ATAD3C: variants seen among roughly 807,000 people sequenced by gnomAD.
ATAD3C encodes ATPase family AAA domain-containing protein 3C.
Under a neutral mutation model 46.3 loss-of-function variants are expected in ATAD3C, and 38 were observed. The observed-to-expected ratio is 0.82, with a 90% CI of 0.63 to 1.08. The LOEUF (loss-of-function observed/expected upper bound fraction) is 1.08. ATAD3C is among the 50% of genes least tolerant of loss of function. The probability of loss-of-function intolerance (pLI) is 0.00; values close to 1 mark genes in which losing one functional copy is unlikely to be tolerated. For synonymous variants in ATAD3C, 220 were observed against 236.4 expected (o/e 0.93, Z 0.63); for missense variants, 563 against 572.7 (o/e 0.98, Z 0.17).
Position 1,469,119 on chromosome 1 carries a change from A to T in ATAD3C, c.*589A>T, listed in dbSNP as rs1434268677. The T allele has an allele frequency of 1.4e-5, 2 of 146,738 alleles. No individual in the cohort carries two copies. The highest frequency in any genetic ancestry group is 5.1e-5 in the African/African-American group (2 of 38,892). 9.1% of individuals were successfully genotyped at this position (146,738 alleles called of 1,614,324 possible). ...TCTCCTAAAAAAAAAAAAAAAAAAA[A>T]AAAAAAAAAAAAAAAAATTAGCCGG... On this transcript the variant is annotated 3_prime_UTR_variant, in exon 12 of 12. Coordinates refer to ENST00000378785, the MANE Select transcript of ATAD3C (RefSeq NM_001039211.3).
At chr1:1,455,414 C>T (rs991974366) in intron 4 of ATAD3C, 46 bp from the exon 5 acceptor site, 12 of 1,604,756 alleles carry the variant, frequency 7.5e-6, no homozygotes, top group East Asian at 6.7e-5. Context: ...GTGGCTGTTC[C>T]GTGGCTGTGG....
intron 9 of ATAD3C, among the ~76,000 whole-genome samples, chr1:1,460,286 T>C (rs1639034060): frequency 6.6e-6 from 1 of 151,920 alleles, no homozygotes; most frequent in South Asian, 2.1e-4. Flanking sequence ...TTCACCATGT[T>C]AGTCAGCTGG....
At position 1,469,428 on chromosome 1, in the gene ATAD3C, G is replaced by T. The variant is rs1193442250; in HGVS notation, c.*898G>T. On this transcript the variant is annotated 3_prime_UTR_variant, in exon 12 of 12. Coordinates refer to ENST00000378785, the MANE Select transcript of ATAD3C (RefSeq NM_001039211.3). ...GATCGCACCATTGCACTCCAGCCTGGATGATAGAGTGAGACTGTACCTCTA... is the reference window on the plus strand; with the variant it reads ...GATCGCACCATTGCACTCCAGCCTGTATGATAGAGTGAGACTGTACCTCTA... The T allele has an allele frequency of 7.1e-6, 1 of 140,530 alleles. No individual in the cohort carries two copies. Among genetic ancestry groups the T allele is most frequent in the African/African-American group, 2.6e-5 (1 of 39,006 alleles). 8.7% of individuals were successfully genotyped at this position (140,530 alleles called of 1,614,324 possible).
intron 8 of ATAD3C, among the ~76,000 whole-genome samples, chr1:1,457,614 A>C (rs1241945481): frequency 2.5e-5 from 3 of 122,314 alleles, no homozygotes; most frequent in African/African-American, 4.1e-5. Context: ...AAAAAAAAAA[A>C]CAAAAAAAAC....
intron 8 of ATAD3C, among the ~76,000 whole-genome samples, chr1:1,458,253 T>A (rs1344549851): frequency 6.6e-6 from 1 of 151,786 alleles, no homozygotes. Flanking sequence ...AATGCTGGGA[T>A]TACATGCGTG....
rs1401379194 is a variant in ATAD3C at position 1,459,811 on chromosome 1, C to T, written c.812+580C>T. On this transcript the variant is annotated intron_variant, in intron 9 of 11. Transcript: ENST00000378785. This position sits in a 1 kb window ranked among gnomAD's most constrained non-coding sequence, Gnocchi z 4.9. The stretch of plus-strand genomic sequence containing the variant: ...GCCCCATGGCCAGTCTCCCTAGTCC[C>T]TCCCAAGTCCCCTAATTTTGAGTTT... 2.0e-5 allele frequency among the ~76,000 whole-genome samples: 3 copies of T among 152,046 alleles called. No homozygotes were observed.
In ATAD3C at chr1:1,450,373, G is replaced by C. The variant is rs1431515207; in HGVS notation, c.-311G>C. On this transcript the variant is annotated 5_prime_UTR_variant, in exon 1 of 12. An upstream open reading frame in the 5' UTR loses its in-frame stop. Transcript: ENST00000378785. Reference sequence around the variant, plus strand: ...GTAACGTGAAAAAATGGACACTTTAGCCATCGCCTGACTTTCTGTTGAATT... The same window carrying C: ...GTAACGTGAAAAAATGGACACTTTACCCATCGCCTGACTTTCTGTTGAATT... 6.3e-6 allele frequency: 2 copies of C among 316,500 alleles called. No individual in the cohort carries two copies. Among genetic ancestry groups the C allele is most frequent in the Non-Finnish European group, 1.2e-5 (2 of 166,974 alleles). 19.6% of individuals were successfully genotyped at this position (316,500 alleles called of 1,614,324 possible).
chr1:1,464,924 C>T (rs1639122930), intron 11 of ATAD3C, among the ~76,000 whole-genome samples: 1 of 151,854 alleles, frequency 6.6e-6, no homozygotes, highest in African/African-American at 2.4e-5. Context: ...CTCGCTCTGT[C>T]GCCCAGGCTG....
At chr1:1,452,222 G>A in intron 2 of ATAD3C, 100 bp downstream of exon 2, 1 of 1,579,588 alleles carries the variant, frequency 6.3e-7, no homozygotes, top group Admixed American at 1.8e-5. Flanking sequence ...TCTGGCCGCT[G>A]TAGGCTGGCT....
intron 1 of ATAD3C, among the ~76,000 whole-genome samples, chr1:1,451,315 C>T (rs367577418): frequency 6.2e-4 from 93 of 150,904 alleles, no homozygotes; most frequent in African/African-American, 2.1e-3. Context: ...GGATTACAGG[C>T]GTGAGCCACC....
chr1:1,459,952 G>A lies in ATAD3C; in HGVS notation c.812+721G>A, dbSNP rs1024459488. Among the ~76,000 whole-genome samples the A allele has an allele frequency of 2.6e-5, 4 of 152,056 alleles. No individual in the cohort carries two copies. Among genetic ancestry groups the A allele is most frequent in the South Asian group, 2.1e-4 (1 of 4,818 alleles). Reference sequence around the variant, plus strand: ...TTGGGCTCCTGGGTCAGCTGCTGCCGGTAGACGCTCCCTGGAGCCCTGACT... The same window carrying A: ...TTGGGCTCCTGGGTCAGCTGCTGCCAGTAGACGCTCCCTGGAGCCCTGACT... On this transcript the variant is annotated intron_variant, in intron 9 of 11. Transcript: ENST00000378785. This position sits in a 1 kb window ranked among gnomAD's most constrained non-coding sequence, Gnocchi z 4.9.
rs372419941 is a variant in ATAD3C, at chr1:1,455,549, C to T, written c.438+30C>T. Reference sequence around the variant, plus strand: ...GTCGGTGTGCCTGGGACCGGGGAGGCGCAGGGAGGGGACCCCGGAGCTGGG... The same window carrying T: ...GTCGGTGTGCCTGGGACCGGGGAGGTGCAGGGAGGGGACCCCGGAGCTGGG... On this transcript the variant is annotated intron_variant, in intron 5 of 11. Coordinates refer to ENST00000378785, the MANE Select transcript of ATAD3C (RefSeq NM_001039211.3). 5.2e-4 allele frequency: 843 copies of T among 1,611,810 alleles called. 7 individuals are homozygous for T. In the African/African-American group the frequency reaches 9.6e-3, roughly 18 times the overall value.
At chr1:1,453,961 C>G (rs74314585) in intron 3 of ATAD3C, among the ~76,000 whole-genome samples, 2 of 151,724 alleles carry the variant, frequency 1.3e-5, no homozygotes, top group Non-Finnish European at 2.9e-5. Flanking sequence ...ATTTTTAAAA[C>G]GAGTTAGAGA....
chr1:1,457,256 C>T, intron 8 of ATAD3C, 76 bp downstream of exon 8: 1 of 1,597,490 alleles, frequency 6.3e-7, no homozygotes, highest in Non-Finnish European at 8.6e-7. Context: ...GGCCAGGCCG[C>T]AGCCCACTGC....
At position 1,457,411 on chromosome 1, in the gene ATAD3C, G is replaced by A. The variant is rs567350710; in HGVS notation, c.741+231G>A. Among the ~76,000 whole-genome samples the A allele has an allele frequency of 5.9e-5, 9 of 151,562 alleles. 1 individual carries two copies. Among genetic ancestry groups the A allele is most frequent in the South Asian group, 2.1e-4 (1 of 4,780 alleles). Reference sequence around the variant, plus strand: ...AGATCAAGACCATCCTGGCTAACACGGTGAAACCCCGTCTCTACTAAAAAT... The same window carrying A: ...AGATCAAGACCATCCTGGCTAACACAGTGAAACCCCGTCTCTACTAAAAAT... On this transcript the variant is annotated intron_variant, in intron 8 of 11. Transcript: ENST00000378785.
rs745620239 is a variant in ATAD3C at position 1,452,392 on chromosome 1, A to G, written c.180A>G (p.Gly60=). The change falls in exon 3 of 12, where the codon GGA becomes GGG. Residue 60 remains glycine, a synonymous_variant. Transcript: ENST00000378785. ...CGGCTGGCACCTTGTTTGGGGAAGGATTCCGTGCCTTTGTGACAGACCGGG... is the reference window on the plus strand; with the variant it reads ...CGGCTGGCACCTTGTTTGGGGAAGGGTTCCGTGCCTTTGTGACAGACCGGG... ...IRAAGTLFGE[G]FRAFVTDRDK... is the part of the protein sequence containing the mutation. 6.2e-7 allele frequency: 1 copy of G among 1,613,688 alleles called. No individual in the cohort carries two copies. The highest frequency in any genetic ancestry group is 2.2e-5 in the East Asian group (1 of 44,898).
chr1:1,458,850 G>A (rs1421704870), intron 8 of ATAD3C, among the ~76,000 whole-genome samples: 8 of 151,502 alleles, frequency 5.3e-5, no homozygotes, highest in Admixed American at 4.6e-4. Context: ...AGCCTCCCAC[G>A]TAGCTGGGAC....
chr1:1,450,755 C>G lies in ATAD3C; in HGVS notation c.72C>G (p.Leu24=). The change falls in exon 1 of 12, where the codon CTC becomes CTG. Residue 24 remains leucine, a synonymous_variant. Coordinates refer to ENST00000378785, the MANE Select transcript of ATAD3C (RefSeq NM_001039211.3). ...QTLQLEQQSK[L]KQLVNEDLRK... ...TGCAGTTGGAGCAACAGTCCAAGCT[C>G]AAAGTGAGTGGGGCCGGTGTGGGCG... 1.2e-6 allele frequency: 2 copies of G among 1,612,896 alleles called. No homozygotes were observed. The highest frequency in any genetic ancestry group is 2.7e-5 in the African/African-American group (2 of 75,024).
intron 1 of ATAD3C, among the ~76,000 whole-genome samples, chr1:1,451,799 T>C (rs1442720153): frequency 1.3e-5 from 2 of 152,048 alleles, no homozygotes; most frequent in East Asian, 1.9e-4. Context: ...CAGTGGCCCT[T>C]GTCAGGGAAG....
Sources: gnomAD v4.1 joint callset for allele counts (sites outside exome capture counted in the v4.1 genomes callset) on GRCh38, gnomAD v4.1.1 for gene constraint, Gnocchi (gnomAD v3.1) non-coding constraint, MANE v1.5 for transcripts, NCBI Gene and HGNC (gene_info 2026-07-23, HGNC 2026-07-21) for gene names.